Variants in ANKS1B observed in about 807,000 individuals in gnomAD.
The protein encoded by ANKS1B is ankyrin repeat and sterile alpha motif domain-containing protein 1B.
Under a neutral mutation model 148.3 loss-of-function variants are expected in ANKS1B, and 36 were observed. The observed-to-expected ratio is 0.24, with a 90% CI of 0.19 to 0.32. ANKS1B has a LOEUF of 0.32. Among genes scored for constraint, ANKS1B ranks in the 10% least tolerant of loss-of-function variants. The pLI is 1.00. For synonymous variants in ANKS1B, 542 were observed against 560.8 expected, an observed-to-expected ratio of 0.97 and a Z score of 0.47; for missense variants, 1,157 against 1,542.6, an observed-to-expected ratio of 0.75 and a Z score of 4.19.
At chr12:99,346,352 C>T (rs2090677069) in intron 12 of ANKS1B, among the ~76,000 whole-genome samples, 1 of 151,036 alleles carries the variant, frequency 6.6e-6, no homozygotes. Context: ...TGCATGTATA[C>T]ATTCTCTCTC....
intron 12 of ANKS1B, among the ~76,000 whole-genome samples, chr12:99,395,420 A>G (rs1349728052): frequency 2.0e-5 from 3 of 152,088 alleles, no homozygotes; most frequent in African/African-American, 7.2e-5. Flanking sequence ...AAGAGCATCC[A>G]CCTTTCACTC....
chr12:99,595,402 A>T (rs949295006), intron 9 of ANKS1B, among the ~76,000 whole-genome samples: 2 of 151,890 alleles, frequency 1.3e-5, no homozygotes, highest in African/African-American at 4.8e-5. Flanking sequence ...AATAGTATGA[A>T]TTGTTCCAAT....
At position 98,824,370 on chromosome 12, in the gene ANKS1B, G is replaced by C. The variant is rs115881394; in HGVS notation, c.3066+4804C>G. Among the ~76,000 whole-genome samples the C allele has an allele frequency of 5.6e-3, 852 of 152,326 alleles. 8 individuals are homozygous for C. The highest frequency in any genetic ancestry group is 0.019 in the African/African-American group (809 of 41,578). On this transcript the variant is annotated intron_variant, in intron 19 of 26. Transcript: ENST00000683438. ...GAACAAAAGATGGTCTTTATAGAATGCTACAACCACCGGAGCACTTGCCCT... is the reference window on the plus strand; with the variant it reads ...GAACAAAAGATGGTCTTTATAGAATCCTACAACCACCGGAGCACTTGCCCT...
chr12:98,818,047 A>G (rs2099155334), intron 19 of ANKS1B, among the ~76,000 whole-genome samples: 1 of 152,176 alleles, frequency 6.6e-6, no homozygotes, highest in Admixed American at 6.5e-5. Flanking sequence ...GTCCACTGGC[A>G]TGATATAAAT....
At chr12:98,759,879 C>T (rs950086352) in intron 25 of ANKS1B, among the ~76,000 whole-genome samples, 2 of 152,058 alleles carry the variant, frequency 1.3e-5, no homozygotes, top group Non-Finnish European at 1.5e-5. Flanking sequence ...ACTCGGGGGG[C>T]TGAGGCAGGA....
intron 1 of ANKS1B, among the ~76,000 whole-genome samples, chr12:99,850,523 A>G (rs746959858): frequency 1.4e-4 from 21 of 152,044 alleles, no homozygotes; most frequent in Non-Finnish European, 2.7e-4. Context: ...TTCTAAACCA[A>G]TTTCCAATGC....
intron 9 of ANKS1B, among the ~76,000 whole-genome samples, chr12:99,646,397 A>T (rs774137834): frequency 4.6e-5 from 7 of 152,094 alleles, no homozygotes; most frequent in Admixed American, 3.9e-4. Context: ...GGTGGCTCAC[A>T]CCTGTAATCC....
At chr12:99,271,748 T>C (rs998685249) in intron 12 of ANKS1B, among the ~76,000 whole-genome samples, 3 of 147,642 alleles carry the variant, frequency 2.0e-5, no homozygotes, top group African/African-American at 5.1e-5. Context: ...AAGAGATAAA[T>C]GAAAAGGTCT....
chr12:99,815,792 T>A (rs981777483), intron 2 of ANKS1B, among the ~76,000 whole-genome samples: 1 of 151,818 alleles, frequency 6.6e-6, no homozygotes, highest in Non-Finnish European at 1.5e-5. Context: ...CGGCTTCCAG[T>A]TCCATCCAAG....
At chr12:99,186,943 T>G (rs1339339294) in intron 14 of ANKS1B, among the ~76,000 whole-genome samples, 2 of 150,592 alleles carry the variant, frequency 1.3e-5, no homozygotes, top group African/African-American at 4.9e-5. Context: ...TAAAGGAGCA[T>G]GTTCTAAATG....
chr12:99,098,660 T>TTTTTTTTTTA (rs1566057705), intron 15 of ANKS1B, among the ~76,000 whole-genome samples: 1 of 86,380 alleles, frequency 1.2e-5, no homozygotes, highest in African/African-American at 4.3e-5. Flanking sequence ...TTTTTTTTTT[T>TTTTTTTTTTA]AGAACATAGC....
At chr12:98,886,358 A>G (rs935626574) in intron 17 of ANKS1B, among the ~76,000 whole-genome samples, 8 of 152,216 alleles carry the variant, frequency 5.3e-5, no homozygotes, top group African/African-American at 1.9e-4. Flanking sequence ...GACACAGAAG[A>G]AAGGACCCAG....
intron 1 of ANKS1B, among the ~76,000 whole-genome samples, chr12:99,851,583 A>C (rs1007113928): frequency 6.6e-6 from 1 of 152,172 alleles, no homozygotes; most frequent in Admixed American, 6.5e-5. Flanking sequence ...TTGAGGAAAA[A>C]TATTATTTAG....
intron 14 of ANKS1B, among the ~76,000 whole-genome samples, chr12:99,157,716 T>C (rs2076221306): frequency 1.3e-5 from 2 of 152,128 alleles, no homozygotes; most frequent in Non-Finnish European, 2.9e-5. Flanking sequence ...CAGTGTACAC[T>C]ATTTGGGTGG....
intron 20 of ANKS1B, among the ~76,000 whole-genome samples, chr12:98,803,183 C>T (rs570615228): frequency 1.3e-5 from 2 of 152,088 alleles, no homozygotes; most frequent in Non-Finnish European, 2.9e-5. Context: ...CTGGCTGTAA[C>T]TTACTTTTGA....
chr12:99,439,456 A>G (rs2095513949), intron 11 of ANKS1B, among the ~76,000 whole-genome samples: 1 of 151,682 alleles, frequency 6.6e-6, no homozygotes, highest in Non-Finnish European at 1.5e-5. Context: ...GAATTACTAC[A>G]AATAAACAAT....
intron 9 of ANKS1B, among the ~76,000 whole-genome samples, chr12:99,564,731 CAAT>C (rs2097371205): frequency 6.6e-6 from 1 of 152,098 alleles, no homozygotes; most frequent in African/African-American, 2.4e-5. Context: ...TTAGCACAAA[CAAT>C]AATAGTCTGT....
At chr12:99,155,742 G>A (rs1477997125) in intron 14 of ANKS1B, among the ~76,000 whole-genome samples, 2 of 152,220 alleles carry the variant, frequency 1.3e-5, no homozygotes, top group African/African-American at 2.4e-5. Flanking sequence ...CTTGCAGAAA[G>A]GTTAGTCTAA....
chr12:99,145,541 T>C (rs1450977886), intron 15 of ANKS1B, among the ~76,000 whole-genome samples: 1 of 152,010 alleles, frequency 6.6e-6, no homozygotes, highest in Admixed American at 6.6e-5. Flanking sequence ...CAAAAGTGAA[T>C]GCGTATATTT....
Sources: allele counts gnomAD v4.1 joint callset (sites outside exome capture counted in the v4.1 genomes callset), GRCh38; gene constraint gnomAD v4.1.1; transcripts MANE v1.5; gene names NCBI Gene and HGNC (gene_info 2026-07-23, HGNC 2026-07-21).